The following RANBP9 variants were observed in gnomAD, a reference collection of about 807,000 sequenced individuals.
The protein encoded by RANBP9 is ran-binding protein 9.
In RANBP9, 15 loss-of-function variants were observed where a neutral mutation model predicts 84.3. That is an observed-to-expected ratio of 0.18 (90% confidence interval 0.12 to 0.27). RANBP9 has a LOEUF of 0.27. Among genes scored for constraint, RANBP9 ranks in the 10% least tolerant of loss-of-function variants. The pLI, the probability that RANBP9 is intolerant of heterozygous loss-of-function variation, is 1.00. For synonymous variants in RANBP9, 392 were observed against 349.6 expected, an observed-to-expected ratio of 1.12 and a Z score of -1.35; for missense variants, 809 against 912.8, an observed-to-expected ratio of 0.89 and a Z score of 1.46.
At chr6:13,627,702 C>T (rs1053158625) in intron 12 of RANBP9, among the ~76,000 whole-genome samples, 8 of 151,386 alleles carry the variant, frequency 5.3e-5, no homozygotes, top group Middle Eastern at 3.5e-3. Context: ...TAATTTACCC[C>T]ACAACCATCT....
At chr6:13,642,455 A>G in intron 7 of RANBP9, 24 bp downstream of exon 7, 1 of 1,288,330 alleles carries the variant, frequency 7.8e-7, no homozygotes, top group South Asian at 1.8e-5. Context: ...AACAAATGTT[A>G]GCCATGCACC....
intron 1 of RANBP9, among the ~76,000 whole-genome samples, chr6:13,705,112 T>C (rs1473832345): frequency 1.3e-5 from 2 of 152,050 alleles, no homozygotes; most frequent in African/African-American, 4.8e-5. Flanking sequence ...TAGCAGAATA[T>C]ATATCATTAG....
chr6:13,699,522 T>G (rs908513634), intron 1 of RANBP9, among the ~76,000 whole-genome samples: 1 of 152,162 alleles, frequency 6.6e-6, no homozygotes, highest in Non-Finnish European at 1.5e-5. Flanking sequence ...TACTTACCAG[T>G]TGAGCATCCT....
chr6:13,683,564 C>A (rs1321624132), intron 2 of RANBP9, among the ~76,000 whole-genome samples: 1 of 151,826 alleles, frequency 6.6e-6, no homozygotes, highest in Non-Finnish European at 1.5e-5. Context: ...ACCTATTTTT[C>A]TTTCTTAGAC....
At position 13,621,808 on chromosome 6, in the gene RANBP9, C is replaced by T. The variant is rs1292439354; in HGVS notation, c.*554G>A. ...ACTAACAGGTCGGGATTGTAAGTAG[C>T]AACAAACATATTCACTCAGCTCCTG... On this transcript the variant is annotated 3_prime_UTR_variant, in exon 14 of 14. Coordinates refer to ENST00000011619, the MANE Select transcript of RANBP9 (RefSeq NM_005493.3). The T allele has an allele frequency of 6.6e-6, 1 of 152,602 alleles. No homozygotes were observed. Among genetic ancestry groups the T allele is most frequent in the Non-Finnish European group, 1.5e-5 (1 of 68,034 alleles). The allele number at this position is 152,602 out of a possible 1,614,324, so 9.5% of individuals were successfully genotyped here.
chr6:13,704,788 T>C (rs1329157645), intron 1 of RANBP9, among the ~76,000 whole-genome samples: 3 of 152,126 alleles, frequency 2.0e-5, no homozygotes, highest in Admixed American at 1.3e-4. Flanking sequence ...AGCCCCTCCC[T>C]TTCTCCTATA....
intron 5 of RANBP9, among the ~76,000 whole-genome samples, chr6:13,650,192 G>A (rs1370703350): frequency 6.7e-6 from 1 of 148,650 alleles, no homozygotes; most frequent in Non-Finnish European, 1.5e-5. Context: ...GTAGAGGTGA[G>A]ATCTCATTAT....
chr6:13,639,225 C>A (rs1765007689), intron 9 of RANBP9, among the ~76,000 whole-genome samples: 1 of 152,218 alleles, frequency 6.6e-6, no homozygotes, highest in Non-Finnish European at 1.5e-5. Flanking sequence ...GTCACCCAGG[C>A]TGGAGTGCAG....
chr6:13,706,327 G>C (rs551536360), intron 1 of RANBP9, among the ~76,000 whole-genome samples: 2 of 150,114 alleles, frequency 1.3e-5, no homozygotes, highest in East Asian at 2.0e-4. Context: ...CTGGGCAACA[G>C]AGCAAGACTC....
intron 2 of RANBP9, among the ~76,000 whole-genome samples, chr6:13,686,301 T>A (rs1020003228): frequency 1.3e-5 from 2 of 151,964 alleles, no homozygotes; most frequent in African/African-American, 2.4e-5. Context: ...TTATTTATTT[T>A]TTGAGATGGA....
chr6:13,682,321 T>G (rs1213482735), intron 2 of RANBP9, among the ~76,000 whole-genome samples: 1 of 151,292 alleles, frequency 6.6e-6, no homozygotes, highest in African/African-American at 2.4e-5. Context: ...AAAGAATTAC[T>G]TCAAGTGACT....
At chr6:13,634,300 T>C (rs1764876956) in intron 11 of RANBP9, 131 bp downstream of exon 11, 3 of 1,115,846 alleles carry the variant, frequency 2.7e-6, no homozygotes, top group Non-Finnish European at 3.8e-6. Flanking sequence ...TGCTATGCAT[T>C]ACTGTCAAGT....
At chr6:13,668,864 T>C (rs540350186) in intron 2 of RANBP9, among the ~76,000 whole-genome samples, 4 of 152,040 alleles carry the variant, frequency 2.6e-5, no homozygotes, top group Non-Finnish European at 5.9e-5. Flanking sequence ...CTATTCAACA[T>C]AGTACTGAAA....
chr6:13,701,829 C>T (rs1477019697), intron 1 of RANBP9, among the ~76,000 whole-genome samples: 1 of 151,792 alleles, frequency 6.6e-6, no homozygotes, highest in African/African-American at 2.4e-5. Context: ...TCATATTCAA[C>T]TCTCCACTCT....
intron 12 of RANBP9, among the ~76,000 whole-genome samples, chr6:13,631,611 A>T (rs1764783084): frequency 6.6e-6 from 1 of 152,126 alleles, no homozygotes; most frequent in Admixed American, 6.5e-5. Context: ...ACCATACCCA[A>T]ACATTAGTCT....
At chr6:13,678,504 T>A (rs1765950486) in intron 2 of RANBP9, among the ~76,000 whole-genome samples, 1 of 152,180 alleles carries the variant, frequency 6.6e-6, no homozygotes, top group Non-Finnish European at 1.5e-5. Flanking sequence ...TACAGCCAAA[T>A]CCACCTCCTT....
chr6:13,684,635 G>C (rs1308204572), intron 2 of RANBP9, among the ~76,000 whole-genome samples: 2 of 152,144 alleles, frequency 1.3e-5, no homozygotes, highest in Non-Finnish European at 2.9e-5. Flanking sequence ...TCACTTCTCT[G>C]ATCAATGAAC....
At chr6:13,635,686 C>CTCAA (rs1336982201) in intron 10 of RANBP9, among the ~76,000 whole-genome samples, 2 of 151,220 alleles carry the variant, frequency 1.3e-5, no homozygotes, top group African/African-American at 2.4e-5. Flanking sequence ...AGCAGACTTA[C>CTCAA]TCAACCAGGA....
intron 1 of RANBP9, among the ~76,000 whole-genome samples, chr6:13,707,317 T>C (rs1482542126): frequency 1.3e-5 from 2 of 152,146 alleles, no homozygotes; most frequent in Admixed American, 6.5e-5. Flanking sequence ...CCACACCCAC[T>C]GAAATTGACT....
Sources: allele counts gnomAD v4.1 joint callset (sites outside exome capture counted in the v4.1 genomes callset), GRCh38; gene constraint gnomAD v4.1.1; transcripts MANE v1.5; gene names NCBI Gene and HGNC (gene_info 2026-07-23, HGNC 2026-07-21).